GRIK1: variants seen among roughly 807,000 people sequenced by gnomAD.
The protein encoded by GRIK1 is glutamate receptor ionotropic, kainate 1.
GRIK1 carries 69 observed loss-of-function variants against 105.7 expected under a neutral mutation model. That is an observed-to-expected ratio of 0.65 (90% CI 0.54 to 0.80). GRIK1 has a LOEUF of 0.80. GRIK1 is among the 30% of genes least tolerant of loss of function. The pLI is 0.00. For missense variants in GRIK1, 1,109 were observed against 1,167.3 expected (o/e 0.95, Z 0.73); for synonymous variants, 438 against 431.3 (o/e 1.02, Z -0.19).
In GRIK1 at chr21:29,905,936, G is replaced by GT. The variant is rs199940755; in HGVS notation, c.118+33446dup. Reference sequence around the variant, plus strand: ...AGCCACCGCACCTGGCCCAAAACTTGTTTTTTTTGTTTGTTTGTTTGTTTG... The same window carrying GT: ...AGCCACCGCACCTGGCCCAAAACTTGTTTTTTTTTGTTTGTTTGTTTGTTTG... On this transcript the variant is annotated intron_variant, in intron 1 of 17. Transcript: ENST00000327783. 4.6e-3 allele frequency among the ~76,000 whole-genome samples: 635 copies of GT among 139,108 alleles called. 6 individuals are homozygous for GT. Among genetic ancestry groups the GT allele is most frequent in the African/African-American group, 0.016 (545 of 33,792 alleles). 91.3% of individuals were successfully genotyped at this position (139,108 alleles called of 152,430 possible). A position where few individuals can be genotyped will look rare whatever the true frequency, so the allele number is the denominator to read the frequency against.
chr21:29,741,477 A>G (rs1459256553), intron 1 of GRIK1, among the ~76,000 whole-genome samples: 1 of 152,232 alleles, frequency 6.6e-6, no homozygotes, highest in Admixed American at 6.5e-5. Flanking sequence ...GCTATTTAGT[A>G]TCTTATCAGC....
At chr21:29,838,385 T>C (rs999553644) in intron 1 of GRIK1, among the ~76,000 whole-genome samples, 17 of 152,164 alleles carry the variant, frequency 1.1e-4, no homozygotes, top group African/African-American at 4.1e-4. Flanking sequence ...GATTCCTCAT[T>C]GGCCATTTAG....
chr21:29,580,043 A>ATGTATATATG, intron 13 of GRIK1, among the ~76,000 whole-genome samples: 2 of 141,108 alleles, frequency 1.4e-5, no homozygotes, highest in African/African-American at 5.6e-5. Context: ...ATGTGTATAT[A>ATGTATATATG]TGTATATATG....
At chr21:29,538,148 C>T (rs1432852776) in intron 16 of GRIK1, among the ~76,000 whole-genome samples, 210 of 152,194 alleles carry the variant, frequency 1.4e-3, no homozygotes, top group African/African-American at 4.4e-3. Context: ...ATAAATGGAC[C>T]AATAAAACAT....
Position 29,563,337 on chromosome 21 carries a change from G to A in GRIK1, c.2131-1488C>T, listed in dbSNP as rs151229604. 2.4e-3 allele frequency among the ~76,000 whole-genome samples: 358 copies of A among 152,314 alleles called. 1 individual carries two copies. The highest frequency in any genetic ancestry group is 8.3e-3 in the African/African-American group (347 of 41,568). On this transcript the variant is annotated intron_variant, in intron 14 of 17. Coordinates refer to ENST00000327783, the MANE Select transcript of GRIK1 (RefSeq NM_001330994.2). ...CCTGGGTTAATACTGTAGGGTTTATGAGTTAGGGGAGGACAGATGGCTTTA... is the reference window on the plus strand; with the variant it reads ...CCTGGGTTAATACTGTAGGGTTTATAAGTTAGGGGAGGACAGATGGCTTTA...
At chr21:29,779,755 T>C (rs1265816671) in intron 1 of GRIK1, among the ~76,000 whole-genome samples, 3 of 152,320 alleles carry the variant, frequency 2.0e-5, no homozygotes, top group Non-Finnish European at 4.4e-5. Flanking sequence ...TCCACTAATT[T>C]ACTATGTGAT....
rs555544011 is a variant in GRIK1, at chr21:29,602,952, G to A, written c.1099-4015C>T. Among the ~76,000 whole-genome samples, 14 of 152,194 alleles carry A rather than the reference G, an allele frequency of 9.2e-5. No individual in the cohort carries two copies. In the East Asian group the frequency reaches 2.5e-3, roughly 27 times the overall value. ...TTGTAAGCAGTGTGTTGGTTAGTGG[G>A]TAGTTCTCATAGAACAAAATGTATA... On this transcript the variant is annotated intron_variant, in intron 7 of 17. Coordinates refer to ENST00000327783, the MANE Select transcript of GRIK1 (RefSeq NM_001330994.2).
At chr21:29,867,886 A>AAGAGAGAG (rs748327047) in intron 1 of GRIK1, among the ~76,000 whole-genome samples, 1,734 of 129,078 alleles carry the variant, frequency 0.013, 42 homozygotes, top group African/African-American at 0.041. Context: ...AAGAGAGAGA[A>AAGAGAGAG]AGAGAGAGAG....
intron 1 of GRIK1, among the ~76,000 whole-genome samples, chr21:29,889,057 G>A (rs1466094410): frequency 6.6e-6 from 1 of 152,040 alleles, no homozygotes; most frequent in African/African-American, 2.4e-5. Flanking sequence ...ACCTTTGCAG[G>A]GACCTCTTAG....
intron 15 of GRIK1, among the ~76,000 whole-genome samples, chr21:29,558,765 T>G (rs2090319844): frequency 6.6e-6 from 1 of 151,660 alleles, no homozygotes; most frequent in Non-Finnish European, 1.5e-5. Context: ...TACTCAACAC[T>G]AGGTCAGCTT....
Position 29,927,725 on chromosome 21 carries a change from G to T in GRIK1, c.118+11658C>A, listed in dbSNP as rs973201893. 2.6e-5 allele frequency among the ~76,000 whole-genome samples: 4 copies of T among 151,880 alleles called. No individual in the cohort carries two copies. In the East Asian group the frequency reaches 7.7e-4, roughly 29 times the overall value. Reference sequence around the variant, plus strand: ...GTCTCTACTAAAAATACAAAAATTAGCCAGGCGTGGTGGCATGTGCCTGTA... The same window carrying T: ...GTCTCTACTAAAAATACAAAAATTATCCAGGCGTGGTGGCATGTGCCTGTA... On this transcript the variant is annotated intron_variant, in intron 1 of 17. Transcript: ENST00000327783.
intron 1 of GRIK1, among the ~76,000 whole-genome samples, chr21:29,710,411 C>A (rs55931442): frequency 0.25 from 37,368 of 151,826 alleles, 7,204 homozygotes; most frequent in African/African-American, 0.53. Context: ...GTTTTCTATC[C>A]TGTCCTGGAA....
chr21:29,673,069 G>C lies in GRIK1; in HGVS notation c.640C>G (p.Pro214Ala). 1 of 1,610,938 alleles carries C rather than the reference G, an allele frequency of 6.2e-7. No individual in the cohort carries two copies. The highest frequency in any genetic ancestry group is 8.5e-7 in the Non-Finnish European group (1 of 1,177,194). Residue 214 changes from proline (P) to alanine (A), a missense_variant, in exon 4 of 18, where the codon CCT becomes GCT. Pro to Ala is a conservative substitution (Grantham distance 27). This residue lies in a region of GRIK1 where 612 missense variants were observed against 586.0 expected (regional missense o/e 1.04). Transcript: ENST00000327783. ...QLPSGNKDAK[P>A]LLKEMKKGKE... ...CCTTTCTTCATCTCCTTGAGTAAAG[G>C]CTTGGCATCTTTATTCCCAGAGGGC...
At chr21:29,819,648 C>G (rs2067244818) in intron 1 of GRIK1, among the ~76,000 whole-genome samples, 1 of 151,964 alleles carries the variant, frequency 6.6e-6, no homozygotes, top group Admixed American at 6.6e-5. Context: ...GGGTATAAAA[C>G]TAACTTCTAT....
At chr21:29,606,694 AC>A (rs1195761439) in intron 7 of GRIK1, among the ~76,000 whole-genome samples, 6 of 147,648 alleles carry the variant, frequency 4.1e-5, no homozygotes, top group Non-Finnish European at 5.9e-5. Flanking sequence ...ACAAAACAAA[AC>A]AAAAAAAACA....
Position 29,561,762 on chromosome 21 carries a change from T to A in GRIK1, c.2218A>T (p.Ile740Phe). ...TALVRNSDEG[I>F]QRVLTTDYAL... Reference sequence around the variant, plus strand: ...TAGTCTGTGGTGAGCACTCTCTGGATCCCCTCATCACTGTTTCTTACCAGG... The same window carrying A: ...TAGTCTGTGGTGAGCACTCTCTGGAACCCCTCATCACTGTTTCTTACCAGG... Residue 740 changes from isoleucine (I) to phenylalanine (F), a missense_variant, in exon 15 of 18, where the codon ATC becomes TTC. Physicochemically the swap from Ile to Phe is conservative, Grantham distance 21. This residue lies in a region of GRIK1 where 264 missense variants were observed against 306.9 expected (regional missense o/e 0.86). Coordinates refer to ENST00000327783, the MANE Select transcript of GRIK1 (RefSeq NM_001330994.2). 6.2e-7 allele frequency: 1 copy of A among 1,613,592 alleles called. No individual in the cohort carries two copies. Among genetic ancestry groups the A allele is most frequent in the Non-Finnish European group, 8.5e-7 (1 of 1,179,524 alleles).
chr21:29,709,194 A>G (rs2063984928), intron 1 of GRIK1, among the ~76,000 whole-genome samples: 1 of 151,910 alleles, frequency 6.6e-6, no homozygotes, highest in Non-Finnish European at 1.5e-5. Flanking sequence ...CCATCTGTAT[A>G]GTAGCATCAC....
At chr21:29,757,592 A>T (rs998438738) in intron 1 of GRIK1, among the ~76,000 whole-genome samples, 11 of 152,340 alleles carry the variant, frequency 7.2e-5, no homozygotes, top group African/African-American at 2.4e-4. Flanking sequence ...GATTGTCGGC[A>T]TGAGGATAGC....
intron 1 of GRIK1, among the ~76,000 whole-genome samples, chr21:29,766,187 A>G (rs891987010): frequency 6.6e-6 from 1 of 152,120 alleles, no homozygotes; most frequent in Non-Finnish European, 1.5e-5. Context: ...TGTTCTTGGC[A>G]TATCCTACAC....
Sources: allele counts gnomAD v4.1 joint callset (sites outside exome capture counted in the v4.1 genomes callset), GRCh38; gene constraint gnomAD v4.1.1; regional missense constraint gnomAD v4.1.1; transcripts MANE v1.5; gene names NCBI Gene and HGNC (gene_info 2026-07-23, HGNC 2026-07-21).